The following COL12A1 variants were observed in gnomAD, a reference collection of about 807,000 sequenced individuals.
COL12A1 encodes collagen type XII alpha 1 chain.
A neutral mutation model predicts 349.7 loss-of-function variants in COL12A1; 114 were observed. That is an observed-to-expected ratio of 0.33 (90% CI 0.28 to 0.38). The LOEUF is 0.38. Among genes scored for constraint, COL12A1 ranks in the 10% least tolerant of loss-of-function variants. The pLI is 1.00. For missense variants in COL12A1, 3,284 were observed against 3,756.9 expected (o/e 0.87, Z 3.29); for synonymous variants, 1,369 against 1,329.0 (o/e 1.03, Z -0.66).
Position 75,137,703 on chromosome 6 carries a change from T to C in COL12A1, c.5252-124A>G, listed in dbSNP as rs553626543. ...TGGGTTTATAATTAAATTCGTTCCCTTAATAAAAATGGTTATTGATTCTTA... is the reference window on the plus strand; with the variant it reads ...TGGGTTTATAATTAAATTCGTTCCCCTAATAAAAATGGTTATTGATTCTTA... On this transcript the variant is annotated intron_variant, in intron 30 of 65. Transcript: ENST00000322507. 12 of 1,047,030 alleles carry C rather than the reference T, an allele frequency of 1.1e-5. No individual in the cohort carries two copies. In the South Asian group the frequency reaches 1.5e-4, roughly 13 times the overall value. The allele number at this position is 1,047,030 out of a possible 1,614,324, so 64.9% of individuals were successfully genotyped here.
chr6:75,193,103 A>G (rs1347561461), intron 3 of COL12A1, among the ~76,000 whole-genome samples: 1 of 152,130 alleles, frequency 6.6e-6, no homozygotes, highest in Non-Finnish European at 1.5e-5. Flanking sequence ...GGTGCAACAG[A>G]CCACTGAAAA....
At chr6:75,104,655 A>G (rs1388028155) in intron 54 of COL12A1, among the ~76,000 whole-genome samples, 1 of 152,194 alleles carries the variant, frequency 6.6e-6, no homozygotes, top group Admixed American at 6.5e-5. Flanking sequence ...TTTGCCTTGC[A>G]CTTTCTTGGT....
At chr6:75,092,949 G>A (rs755470762) in intron 60 of COL12A1, among the ~76,000 whole-genome samples, 32 of 152,056 alleles carry the variant, frequency 2.1e-4, no homozygotes, top group Non-Finnish European at 3.1e-4. Context: ...TGTCAGTCTC[G>A]TTCCTCAGCC....
At chr6:75,162,399 A>G (rs1768070624) in intron 14 of COL12A1, among the ~76,000 whole-genome samples, 1 of 152,230 alleles carries the variant, frequency 6.6e-6, no homozygotes, top group African/African-American at 2.4e-5. Context: ...GACAAAAACA[A>G]GCAATGGGGA....
In COL12A1 at chr6:75,125,272, A is replaced by C. The variant is rs1765957507; in HGVS notation, c.6462T>G (p.Gly2154=). 6.3e-7 allele frequency: 1 copy of C among 1,594,726 alleles called. No homozygotes were observed. The highest frequency in any genetic ancestry group is 1.3e-5 in the African/African-American group (1 of 74,084). Residue 2154 remains glycine, a splice_region_variant and synonymous_variant, in exon 40 of 66, where the codon GGT becomes GGG. Transcript: ENST00000322507. ...LGYKIVYKPV[G]SNEPMEAFVG... is the part of the protein sequence containing the mutation. The stretch of plus-strand genomic sequence containing the variant: ...CAAAGGCTTCCATGGGCTCATTGGA[A>C]CCTTTATTAACAACCACAAAAATAC...
intron 8 of COL12A1, among the ~76,000 whole-genome samples, chr6:75,184,529 C>A (rs1311197745): frequency 6.6e-6 from 1 of 152,104 alleles, no homozygotes; most frequent in Non-Finnish European, 1.5e-5. Context: ...TCATTCAATT[C>A]TTTAGGGAAT....
At chr6:75,120,736 T>A (rs1208987077) in intron 44 of COL12A1, among the ~76,000 whole-genome samples, 1 of 152,204 alleles carries the variant, frequency 6.6e-6, no homozygotes, top group African/African-American at 2.4e-5. Flanking sequence ...CATGGAAATA[T>A]AAACTTCTCT....
chr6:75,160,214 C>T (rs951910130), intron 14 of COL12A1, among the ~76,000 whole-genome samples: 1 of 152,090 alleles, frequency 6.6e-6, no homozygotes, highest in Non-Finnish European at 1.5e-5. Context: ...TTCAAACATC[C>T]ACTGTACCAC....
chr6:75,119,306 C>CCACTA (rs780640624), intron 45 of COL12A1, 44 bp downstream of exon 45: 1 of 1,604,818 alleles, frequency 6.2e-7, no homozygotes, highest in Non-Finnish European at 8.5e-7. Context: ...CTCAGTTCTG[C>CCACTA]CACTACAAAT....
intron 14 of COL12A1, among the ~76,000 whole-genome samples, chr6:75,158,777 T>C (rs1323598217): frequency 6.6e-6 from 1 of 151,654 alleles, no homozygotes; most frequent in Non-Finnish European, 1.5e-5. Context: ...GATTAGAAAA[T>C]ATAAAAAAAT....
At chr6:75,187,921 A>G (rs1233670806) in intron 8 of COL12A1, among the ~76,000 whole-genome samples, 1 of 152,160 alleles carries the variant, frequency 6.6e-6, no homozygotes, top group African/African-American at 2.4e-5. Context: ...AACATTACTC[A>G]GAGTATAATG....
chr6:75,119,014 A>G (rs1769220890), intron 46 of COL12A1, 29 bp downstream of exon 46: 1 of 1,610,646 alleles, frequency 6.2e-7, no homozygotes, highest in Non-Finnish European at 8.5e-7. Flanking sequence ...TAAAATTTCA[A>G]GTGCAATCAA....
chr6:75,184,786 T>C (rs909103546), intron 8 of COL12A1, among the ~76,000 whole-genome samples: 1 of 152,200 alleles, frequency 6.6e-6, no homozygotes, highest in Non-Finnish European at 1.5e-5. Context: ...AAAATGGTGA[T>C]CCTTACTCAA....
At position 75,154,448 on chromosome 6, in the gene COL12A1, G is replaced by A; in HGVS notation, c.3533C>T (p.Ser1178Phe). Residue 1178 changes from serine to phenylalanine, a missense_variant, in exon 17 of 66, where the codon TCC becomes TTC. Around this residue, in one of 2 missense-constraint regions of COL12A1, gnomAD observed 2,601 missense variants for 2,824.8 expected, o/e 0.92. Coordinates refer to ENST00000322507, the MANE Select transcript of COL12A1 (RefSeq NM_004370.6). ...PLVGQEMTTL[S>F]DTTVMPILSS... Reference sequence around the variant, plus strand: ...TAAAATTGGCATAACAGTTGTGTCGGAAAGGGTTGTCATTTCTTGTCCAAC... The same window carrying A: ...TAAAATTGGCATAACAGTTGTGTCGAAAAGGGTTGTCATTTCTTGTCCAAC... 1 of 1,612,554 alleles carries A rather than the reference G, an allele frequency of 6.2e-7. No homozygotes were observed. The highest frequency in any genetic ancestry group is 8.5e-7 in the Non-Finnish European group (1 of 1,179,046).
rs576888932 is a variant in COL12A1 at position 75,202,731 on chromosome 6, A to G, written c.62T>C (p.Ile21Thr). 10 of 1,551,834 alleles carry G rather than the reference A, an allele frequency of 6.4e-6. No individual in the cohort carries two copies. In the Admixed American group the frequency reaches 1.6e-4, roughly 24 times the overall value. The change falls in exon 2 of 66, where the codon ATT becomes ACT. Residue 21 changes from isoleucine (I) to threonine (T), a missense_variant. By Grantham distance (89) the Ile-to-Thr change is moderately conservative. This residue lies in a region of COL12A1 where 2,601 missense variants were observed against 2,824.8 expected (regional missense o/e 0.92). Coordinates refer to ENST00000322507, the MANE Select transcript of COL12A1 (RefSeq NM_004370.6). ...ALGAALLLSS[I>T]EAEVDPPSDL... ...AGGGAGCCTTTTACCTTCTGCCTCA[A>G]TGGAAGACAGGAGCAGGGCCGCGCC...
At chr6:75,121,596 T>C (rs1288967532) in intron 43 of COL12A1, among the ~76,000 whole-genome samples, 155 bp from the exon 44 acceptor site, 1 of 152,256 alleles carries the variant, frequency 6.6e-6, no homozygotes, top group Non-Finnish European at 1.5e-5. Context: ...ATGCAGAATC[T>C]TGGGTCCTAC....
At chr6:75,192,769 A>T (rs1476977226) in intron 3 of COL12A1, among the ~76,000 whole-genome samples, 2 of 152,178 alleles carry the variant, frequency 1.3e-5, no homozygotes, top group African/African-American at 2.4e-5. Context: ...AGAGATGAAA[A>T]TAAACTCAAA....
In COL12A1 at chr6:75,121,383, C is replaced by G. The variant is rs760111437; in HGVS notation, c.7005G>C (p.Gly2335=). 9.3e-6 allele frequency: 15 copies of G among 1,611,838 alleles called. No individual in the cohort carries two copies. In the South Asian group the frequency reaches 1.4e-4, roughly 15 times the overall value. ...VFLTDASWSI[G]DDNFNKVVKF... Reference sequence around the variant, plus strand: ...TTACAACTTTGTTAAAATTATCGTCCCCAATGCTCCAGGAGGCATCAGTCA... The same window carrying G: ...TTACAACTTTGTTAAAATTATCGTCGCCAATGCTCCAGGAGGCATCAGTCA... The change falls in exon 44 of 66, where the codon GGG becomes GGC. Residue 2335 remains glycine (G), a synonymous_variant. Transcript: ENST00000322507.
intron 60 of COL12A1, among the ~76,000 whole-genome samples, chr6:75,094,004 A>AAG (rs1293178004): frequency 2.0e-5 from 3 of 152,320 alleles, no homozygotes; most frequent in Middle Eastern, 3.4e-3. Context: ...CATTGAGGAA[A>AAG]AGAGAGTACT....
Sources: allele counts gnomAD v4.1 joint callset (sites outside exome capture counted in the v4.1 genomes callset), GRCh38; gene constraint gnomAD v4.1.1; regional missense constraint gnomAD v4.1.1; transcripts MANE v1.5; gene names NCBI Gene and HGNC (gene_info 2026-07-23, HGNC 2026-07-21).